ANKRD30A: variants seen among roughly 807,000 people sequenced by gnomAD.
ANKRD30A encodes ankyrin repeat domain 30A.
ANKRD30A carries 170 observed loss-of-function variants against 166.3 expected under a neutral mutation model. The observed-to-expected ratio is 1.02, with a 90% CI of 0.90 to 1.16. ANKRD30A has a LOEUF of 1.16. Ranked by LOEUF, ANKRD30A falls within the 50% of genes most tolerant of loss-of-function variation. The pLI, the probability that ANKRD30A is intolerant of heterozygous loss-of-function variation, is 0.00. For missense variants in ANKRD30A, 1,630 were observed against 1,518.0 expected (o/e 1.07, Z -1.23); for synonymous variants, 564 against 508.9 (o/e 1.11, Z -1.46).
intron 34 of ANKRD30A, among the ~76,000 whole-genome samples, chr10:37,227,373 A>G (rs1230028144): frequency 6.6e-6 from 1 of 151,884 alleles, no homozygotes; most frequent in East Asian, 1.9e-4. Flanking sequence ...TCCCAGAACC[A>G]TTGGTTGAAA....
intron 27 of ANKRD30A, among the ~76,000 whole-genome samples, chr10:37,195,166 A>G (rs1337327827): frequency 6.6e-6 from 1 of 152,220 alleles, no homozygotes; most frequent in Non-Finnish European, 1.5e-5. Context: ...TCAAAAATGC[A>G]TAAGGTTTTA....
rs200116595 is a variant in ANKRD30A at position 37,189,571 on chromosome 10, T to C, written c.2512+14T>C. Reference sequence around the variant, plus strand: ...GAAAATTAGAAGGTAAGAACCGTTTTTTATTTAAAAATCATTTGACCAAAT... The same window carrying C: ...GAAAATTAGAAGGTAAGAACCGTTTCTTATTTAAAAATCATTTGACCAAAT... On this transcript the variant is annotated intron_variant, in intron 25 of 35. Transcript: ENST00000361713. 126 of 1,224,760 alleles carry C rather than the reference T, an allele frequency of 1.0e-4. 2 individuals are homozygous for C. Among genetic ancestry groups the C allele is most frequent in the Non-Finnish European group, 1.4e-4 (122 of 861,564 alleles). The allele number at this position is 1,224,760 out of a possible 1,614,324, so 75.9% of individuals were successfully genotyped here. A position where few individuals can be genotyped will look rare whatever the true frequency, so the allele number is the denominator to read the frequency against.
At chr10:37,151,454 G>A (rs528643843) in intron 11 of ANKRD30A, among the ~76,000 whole-genome samples, 1 of 152,150 alleles carries the variant, frequency 6.6e-6, no homozygotes, top group East Asian at 1.9e-4. Flanking sequence ...CATTGTAATT[G>A]AAGCAGTTGT....
chr10:37,154,258 T>C (rs951251315), intron 13 of ANKRD30A, among the ~76,000 whole-genome samples: 6 of 152,228 alleles, frequency 3.9e-5, no homozygotes, highest in African/African-American at 1.4e-4. Context: ...TAATTTGTCA[T>C]ATACACTCCG....
intron 32 of ANKRD30A, among the ~76,000 whole-genome samples, 188 bp downstream of exon 32, chr10:37,216,582 A>G (rs1180471471): frequency 1.3e-5 from 2 of 151,300 alleles, no homozygotes; most frequent in African/African-American, 4.8e-5. Flanking sequence ...AATTAAATGC[A>G]TATTTATTTA....
the ANKRD30A span, among the ~76,000 whole-genome samples, chr10:37,258,084 T>G: frequency 6.6e-6 from 1 of 152,122 alleles, no homozygotes; most frequent in Non-Finnish European, 1.5e-5. Context: ...TATACCTAGG[T>G]AACAAACCTG....
chr10:37,146,470 G>A (rs975132669), intron 8 of ANKRD30A, among the ~76,000 whole-genome samples: 1 of 151,734 alleles, frequency 6.6e-6, no homozygotes, highest in East Asian at 1.9e-4. Context: ...CCTCTGGAGG[G>A]GGCACCAGCT....
At chr10:37,225,797 G>A (rs1843120387) in intron 34 of ANKRD30A, among the ~76,000 whole-genome samples, 1 of 151,510 alleles carries the variant, frequency 6.6e-6, no homozygotes, top group South Asian at 2.1e-4. Context: ...TGATTTTCTC[G>A]GTAACAATTT....
At chr10:37,211,151 A>C (rs1842289845) in intron 31 of ANKRD30A, among the ~76,000 whole-genome samples, 1 of 149,898 alleles carries the variant, frequency 6.7e-6, no homozygotes, top group South Asian at 2.1e-4. Context: ...AATTTTTTTT[A>C]TTATTATACT....
intron 34 of ANKRD30A, among the ~76,000 whole-genome samples, chr10:37,223,653 TG>T (rs1474852458): frequency 6.6e-6 from 1 of 151,500 alleles, no homozygotes; most frequent in Non-Finnish European, 1.5e-5. Flanking sequence ...CATTTTGGGT[TG>T]TTTTTTAAAA....
intron 33 of ANKRD30A, among the ~76,000 whole-genome samples, chr10:37,218,748 C>G (rs1649048695): frequency 2.0e-5 from 3 of 150,400 alleles, no homozygotes; most frequent in Admixed American, 6.7e-5. Flanking sequence ...TAAAAACTCT[C>G]TAGTCATTTC....
chr10:37,233,943 G>A (rs1588971144), downstream of ANKRD30A, among the ~76,000 whole-genome samples: 1 of 152,088 alleles, frequency 6.6e-6, no homozygotes, highest in Non-Finnish European at 1.5e-5. Context: ...TGTTAAAATA[G>A]CATTGATACT....
chr10:37,137,265 A>G (rs181706519), intron 6 of ANKRD30A, among the ~76,000 whole-genome samples: 1 of 152,318 alleles, frequency 6.6e-6, no homozygotes, highest in Admixed American at 6.5e-5. Flanking sequence ...CTGAATAGGA[A>G]CAGCTCCAGT....
the ANKRD30A span, chr10:37,248,220 G>T: frequency 9.5e-6 from 6 of 628,304 alleles, no homozygotes; most frequent in Non-Finnish European, 1.9e-5. Flanking sequence ...CACCCAGAAT[G>T]CCAAAGACTT....
At position 37,216,190 on chromosome 10, in the gene ANKRD30A, G is replaced by A. The variant is rs200073762; in HGVS notation, c.2879G>A (p.Ser960Asn). 37 of 1,596,000 alleles carry A rather than the reference G, an allele frequency of 2.3e-5. No individual in the cohort carries two copies. Among genetic ancestry groups the A allele is most frequent in the Non-Finnish European group, 2.8e-5 (33 of 1,168,474 alleles). Reference protein sequence around the residue: ...KISGKLEDSTSLSKILDTVHS... With the variant: ...KISGKLEDSTNLSKILDTVHS... ...CTCCTCCTTGAGACAGATTCAACTA[G>A]CCTATCAAAAATCTTGGATACAGTT... The change falls in exon 32 of 36, where the codon AGC becomes AAC. Residue 960 changes from serine to asparagine, a missense_variant. Transcript: ENST00000361713.
chr10:37,244,475 T>A, the ANKRD30A span, among the ~76,000 whole-genome samples: 1 of 152,234 alleles, frequency 6.6e-6, no homozygotes, highest in Non-Finnish European at 1.5e-5. Flanking sequence ...GATTTGTTTT[T>A]CATCCATGTT....
rs1588947013 is a variant in ANKRD30A at position 37,217,915 on chromosome 10, C to T, written c.3267+37C>T. The T allele has an allele frequency of 5.7e-6, 8 of 1,396,744 alleles. No individual in the cohort carries two copies. In the East Asian group the frequency reaches 1.6e-4, roughly 28 times the overall value. The allele number at this position is 1,396,744 out of a possible 1,614,324, so 86.5% of individuals were successfully genotyped here. ...TCTGATAAAAATTTTATATTTCTAACTTTATTTCATCAATATTACTTTTAA... is the reference window on the plus strand; with the variant it reads ...TCTGATAAAAATTTTATATTTCTAATTTTATTTCATCAATATTACTTTTAA... On this transcript the variant is annotated intron_variant, in intron 33 of 35. Transcript: ENST00000361713.
At chr10:37,132,915 C>T (rs566731359) in intron 4 of ANKRD30A, among the ~76,000 whole-genome samples, 1 of 151,910 alleles carries the variant, frequency 6.6e-6, no homozygotes, top group Non-Finnish European at 1.5e-5. Flanking sequence ...GCACGAGAAT[C>T]GCTTGAACTT....
intron 9 of ANKRD30A, among the ~76,000 whole-genome samples, chr10:37,148,629 A>G (rs1169783288): frequency 2.6e-5 from 4 of 152,170 alleles, no homozygotes; most frequent in Middle Eastern, 3.4e-3. Context: ...TAAATTATGG[A>G]CACTCCAGAG....
Sources: allele counts gnomAD v4.1 joint callset (sites outside exome capture counted in the v4.1 genomes callset), GRCh38; gene constraint gnomAD v4.1.1; transcripts MANE v1.5; gene names NCBI Gene and HGNC (gene_info 2026-07-23, HGNC 2026-07-21).